The following CLASP2 variants were observed in gnomAD, a reference collection of about 807,000 sequenced individuals.
The protein encoded by CLASP2 is CLIP-associating protein 2.
CLASP2 carries 47 observed loss-of-function variants against 194.4 expected under a neutral mutation model. The ratio of observed to expected loss-of-function variants is 0.24; its 90% CI spans 0.19 to 0.31. CLASP2 has a LOEUF of 0.31. Among genes scored for constraint, CLASP2 ranks in the 10% least tolerant of loss-of-function variants. The pLI, the probability that CLASP2 is intolerant of heterozygous loss-of-function variation, is 1.00. For synonymous variants in CLASP2, 619 were observed against 633.5 expected (o/e 0.98, Z 0.34); for missense variants, 1,445 against 1,823.6 (o/e 0.79, Z 3.78).
rs751593894 is a variant in CLASP2, at chr3:33,535,300, G to C, written c.3720C>G (p.Ile1240Met). ...DYNPYNYSDS[I>M]SPFNKSALKE... ...TGAGGGCAGACTTGTTGAAGGGACT[G>C]ATGCTATCTGAATAGTTATATGGAT... The change falls in exon 34 of 39, where the codon ATC becomes ATG. Residue 1240 changes from isoleucine (I) to methionine (M), a missense_variant. Around this residue, in one of 4 missense-constraint regions of CLASP2, gnomAD observed 732 missense variants for 987.9 expected, o/e 0.74. Coordinates refer to ENST00000682230, the MANE Select transcript of CLASP2 (RefSeq NM_001365631.1). 18 of 1,613,806 alleles carry C rather than the reference G, an allele frequency of 1.1e-5. No homozygotes were observed. The highest frequency in any genetic ancestry group is 1.5e-5 in the Non-Finnish European group (18 of 1,179,844).
intron 34 of CLASP2, among the ~76,000 whole-genome samples, chr3:33,522,231 C>T (rs1168748609): frequency 1.3e-5 from 2 of 152,078 alleles, no homozygotes; most frequent in Non-Finnish European, 1.5e-5. Context: ...GGGAGCCAGA[C>T]ATTAAAGACC....
At chr3:33,575,405 A>AT (rs990056653) in intron 24 of CLASP2, among the ~76,000 whole-genome samples, 55 of 151,350 alleles carry the variant, frequency 3.6e-4, no homozygotes, top group Non-Finnish European at 5.9e-4. Flanking sequence ...TAGGAAGCAT[A>AT]TTTTTTTTTA....
At chr3:33,613,745 C>T (rs776734146) in intron 12 of CLASP2, among the ~76,000 whole-genome samples, 20 of 152,324 alleles carry the variant, frequency 1.3e-4, no homozygotes, top group South Asian at 4.1e-4. Context: ...TCAAACATTA[C>T]TACGGAGGTA....
chr3:33,659,040 A>G (rs886557340), intron 7 of CLASP2: 58 of 1,535,360 alleles, frequency 3.8e-5, no homozygotes, highest in African/African-American at 6.8e-5. Flanking sequence ...AGCACAGCAA[A>G]TAAGTACAGC....
chr3:33,642,265 C>T (rs550604508), intron 8 of CLASP2, among the ~76,000 whole-genome samples: 3 of 151,770 alleles, frequency 2.0e-5, no homozygotes, highest in Admixed American at 6.6e-5. Flanking sequence ...AATGCTGACA[C>T]GGTTTATAGA....
intron 34 of CLASP2, among the ~76,000 whole-genome samples, chr3:33,527,264 A>G (rs1455194002): frequency 1.3e-5 from 2 of 152,206 alleles, no homozygotes; most frequent in Non-Finnish European, 2.9e-5. Context: ...AATAAACACA[A>G]TTAGAAATGA....
chr3:33,508,680 C>T (rs1014241606), intron 37 of CLASP2, among the ~76,000 whole-genome samples: 1 of 152,116 alleles, frequency 6.6e-6, no homozygotes, highest in Non-Finnish European at 1.5e-5. Context: ...AGCTGGAATC[C>T]TTCTAAAAGT....
At chr3:33,603,204 G>A in intron 17 of CLASP2, 79 bp from the exon 18 acceptor site, 1 of 1,381,078 alleles carries the variant, frequency 7.2e-7, no homozygotes, top group Non-Finnish European at 9.7e-7. Flanking sequence ...TGACCACCAT[G>A]AGCTAATCTG....
At chr3:33,502,076 T>C (rs1248933133) in intron 37 of CLASP2, 2 of 231,206 alleles carry the variant, frequency 8.7e-6, no homozygotes, top group Non-Finnish European at 1.7e-5. Flanking sequence ...CCAGACTAAC[T>C]TTCCTAAAGC....
chr3:33,597,957 T>C (rs971230773), intron 18 of CLASP2, among the ~76,000 whole-genome samples: 2 of 152,028 alleles, frequency 1.3e-5, no homozygotes, highest in Non-Finnish European at 2.9e-5. Flanking sequence ...TTCACCATGT[T>C]GGCCAGGCTG....
At chr3:33,680,650 A>C (rs1293753184) in intron 6 of CLASP2, among the ~76,000 whole-genome samples, 1 of 151,964 alleles carries the variant, frequency 6.6e-6, no homozygotes, top group African/African-American at 2.4e-5. Flanking sequence ...CTCTACAAAA[A>C]AATTTTAAAA....
chr3:33,547,026 G>C (rs930458244), intron 30 of CLASP2, among the ~76,000 whole-genome samples: 1 of 152,080 alleles, frequency 6.6e-6, no homozygotes, highest in Non-Finnish European at 1.5e-5. Context: ...TGTGGTTTTT[G>C]TATTTTTACT....
chr3:33,512,985 C>T (rs2050349007), intron 36 of CLASP2, among the ~76,000 whole-genome samples: 5 of 151,612 alleles, frequency 3.3e-5, no homozygotes, highest in Admixed American at 2.0e-4. Context: ...AGTGAGACTC[C>T]GTCTAAAAAC....
chr3:33,645,537 T>G (rs1162747389), intron 7 of CLASP2: 1 of 451,922 alleles, frequency 2.2e-6, no homozygotes, highest in East Asian at 3.3e-5. Context: ...TGGCAGCTAC[T>G]GCCAGATGAA....
intron 7 of CLASP2, among the ~76,000 whole-genome samples, chr3:33,657,685 A>C (rs1360990384): frequency 2.6e-5 from 4 of 152,126 alleles, no homozygotes; most frequent in Non-Finnish European, 5.9e-5. Context: ...TGGTAGTTGA[A>C]AAATTATTTT....
At chr3:33,643,885 CAA>C (rs1262955750) in intron 8 of CLASP2, among the ~76,000 whole-genome samples, 3 of 151,912 alleles carry the variant, frequency 2.0e-5, no homozygotes, top group African/African-American at 7.2e-5. Context: ...CAAAAATCCT[CAA>C]GACCATGATT....
At chr3:33,703,847 C>T (rs533650160) in intron 1 of CLASP2, among the ~76,000 whole-genome samples, 1 of 152,234 alleles carries the variant, frequency 6.6e-6, no homozygotes, top group East Asian at 1.9e-4. Flanking sequence ...CCAAGATGTC[C>T]CTCAGTAGGT....
intron 2 of CLASP2, among the ~76,000 whole-genome samples, chr3:33,692,524 T>G (rs902873674): frequency 1.3e-5 from 2 of 152,208 alleles, no homozygotes; most frequent in Admixed American, 6.5e-5. Context: ...ACATACTACC[T>G]TGAAGTCAAA....
chr3:33,553,301 A>G (rs2060354514), intron 29 of CLASP2, among the ~76,000 whole-genome samples: 1 of 152,194 alleles, frequency 6.6e-6, no homozygotes, highest in Non-Finnish European at 1.5e-5. Flanking sequence ...GAATTTTAAG[A>G]AGTATTTATA....
Sources: allele counts gnomAD v4.1 joint callset (sites outside exome capture counted in the v4.1 genomes callset), GRCh38; gene constraint gnomAD v4.1.1; regional missense constraint gnomAD v4.1.1; transcripts MANE v1.5; gene names NCBI Gene and HGNC (gene_info 2026-07-23, HGNC 2026-07-21).